The following USP47 variants were observed in gnomAD, a reference collection of about 807,000 sequenced individuals.
USP47 encodes ubiquitin carboxyl-terminal hydrolase 47.
USP47 carries 35 observed loss-of-function variants against 165.1 expected under a neutral mutation model. That is an observed-to-expected ratio of 0.21 (90% CI 0.16 to 0.28). USP47 has a LOEUF of 0.28. Ranked by LOEUF, USP47 falls within the 10% of genes least tolerant of loss-of-function variation. USP47 has a pLI of 1.00. For missense variants in USP47, 1,277 were observed against 1,607.4 expected, an observed-to-expected ratio of 0.79 and a Z score of 3.52; for synonymous variants, 531 against 544.5, an observed-to-expected ratio of 0.98 and a Z score of 0.35.
chr11:11,900,161 T>TC (rs1250588361), intron 5 of USP47, among the ~76,000 whole-genome samples: 1 of 141,398 alleles, frequency 7.1e-6, no homozygotes, highest in East Asian at 2.0e-4. Flanking sequence ...TCACTTTTTT[T>TC]TTTTTTTTTT....
At chr11:11,953,948 G>A (rs1056463593) in intron 25 of USP47, among the ~76,000 whole-genome samples, 9 of 151,996 alleles carry the variant, frequency 5.9e-5, no homozygotes, top group African/African-American at 2.2e-4. Flanking sequence ...CTGGGAATTC[G>A]ATCTGTAGAA....
At chr11:11,903,765 A>T (rs993973635) in intron 7 of USP47, among the ~76,000 whole-genome samples, 6 of 152,198 alleles carry the variant, frequency 3.9e-5, no homozygotes, top group Non-Finnish European at 7.4e-5. Flanking sequence ...TATGTATTTG[A>T]CATTTAGGAT....
At chr11:11,843,347 G>A (rs979576812) in intron 1 of USP47, among the ~76,000 whole-genome samples, 1 of 152,192 alleles carries the variant, frequency 6.6e-6, no homozygotes, top group African/African-American at 2.4e-5. Flanking sequence ...TGTTTTGCAA[G>A]GACGATTTTT....
At chr11:11,935,125 A>C (rs1296057040) in intron 16 of USP47, among the ~76,000 whole-genome samples, 1 of 152,116 alleles carries the variant, frequency 6.6e-6, no homozygotes, top group East Asian at 1.9e-4. Flanking sequence ...GTCAAGTTTG[A>C]GAATCACTTA....
chr11:11,874,996 G>A (rs1029472521), intron 1 of USP47, among the ~76,000 whole-genome samples: 14 of 151,236 alleles, frequency 9.3e-5, no homozygotes, highest in African/African-American at 3.4e-4. Context: ...TTAGCTTGTG[G>A]CAGCTCCTGT....
chr11:11,961,124 C>T lies in USP47; in HGVS notation c.*4949C>T, dbSNP rs1847434350. 6.6e-6 allele frequency among the ~76,000 whole-genome samples: 1 copy of T among 152,234 alleles called. No individual in the cohort carries two copies. Among genetic ancestry groups the T allele is most frequent in the Admixed American group, 6.5e-5 (1 of 15,284 alleles). ...TGGAGAACAGGATTGGTTTCCTCCT[C>T]AATGTCAAGGACTCAAAGACTCTTT... is the stretch of plus-strand genomic sequence containing the variant. On this transcript the variant is annotated 3_prime_UTR_variant, in exon 28 of 28. Transcript: ENST00000527733.
At chr11:11,923,258 A>G (rs1219338333) in intron 11 of USP47, among the ~76,000 whole-genome samples, 3 of 151,712 alleles carry the variant, frequency 2.0e-5, no homozygotes, top group African/African-American at 7.2e-5. Context: ...GTGTCTATAA[A>G]TTTTGTCTGA....
At chr11:11,867,275 G>A (rs185096707) in intron 1 of USP47, among the ~76,000 whole-genome samples, 7 of 152,026 alleles carry the variant, frequency 4.6e-5, no homozygotes, top group Non-Finnish European at 8.8e-5. Flanking sequence ...CTGTGGATTC[G>A]TGTCTTTCAT....
intron 3 of USP47, among the ~76,000 whole-genome samples, chr11:11,887,303 G>A (rs117728121): frequency 0.016 from 2,474 of 152,204 alleles, 29 homozygotes; most frequent in Non-Finnish European, 0.022. Flanking sequence ...AAAGAGTCAA[G>A]ACTCATCAGT....
intron 11 of USP47, among the ~76,000 whole-genome samples, chr11:11,925,480 C>G (rs1166288583): frequency 6.6e-6 from 1 of 152,044 alleles, no homozygotes; most frequent in Non-Finnish European, 1.5e-5. Context: ...ATTTTATTCT[C>G]TTTGACACTA....
intron 1 of USP47, among the ~76,000 whole-genome samples, chr11:11,846,914 C>T (rs1848458613): frequency 6.6e-6 from 1 of 152,046 alleles, no homozygotes; most frequent in Admixed American, 6.5e-5. Context: ...GATGTTGACT[C>T]TCTCTTACCA....
intron 1 of USP47, among the ~76,000 whole-genome samples, chr11:11,862,024 CTTTT>C (rs35753812): frequency 1.4e-5 from 2 of 140,224 alleles, no homozygotes; most frequent in African/African-American, 2.6e-5. Context: ...GGTACAAAGT[CTTTT>C]TTTTTTTTTT....
intron 1 of USP47, among the ~76,000 whole-genome samples, chr11:11,877,767 TTCTCTC>T (rs796503437): frequency 1.5e-5 from 2 of 135,316 alleles, no homozygotes; most frequent in African/African-American, 2.8e-5. Flanking sequence ...TGCATAGCCT[TTCTCTC>T]TCTCTCTCTC....
intron 1 of USP47, among the ~76,000 whole-genome samples, chr11:11,845,194 G>C (rs886747305): frequency 3.9e-5 from 6 of 152,206 alleles, no homozygotes; most frequent in African/African-American, 1.4e-4. Context: ...ACTTAGCTTG[G>C]TATTCAAGGC....
chr11:11,871,381 T>C (rs1850033654), intron 1 of USP47, among the ~76,000 whole-genome samples: 1 of 151,492 alleles, frequency 6.6e-6, no homozygotes, highest in African/African-American at 2.4e-5. Context: ...TGCATGCCTG[T>C]AGTCCCAGCT....
intron 8 of USP47, among the ~76,000 whole-genome samples, chr11:11,909,911 C>G (rs1052928892): frequency 6.6e-6 from 1 of 152,136 alleles, no homozygotes. Context: ...AAGTCTTACC[C>G]TGACATAACA....
At chr11:11,913,305 G>C (rs1227189828) in intron 8 of USP47, among the ~76,000 whole-genome samples, 1 of 145,118 alleles carries the variant, frequency 6.9e-6, no homozygotes, top group Admixed American at 6.9e-5. Context: ...CGTGAGTTTA[G>C]CAAGGTAGCA....
intron 18 of USP47, among the ~76,000 whole-genome samples, chr11:11,939,375 G>A (rs955452433): frequency 3.9e-5 from 6 of 151,912 alleles, no homozygotes; most frequent in African/African-American, 1.4e-4. Flanking sequence ...TACCTGTTTA[G>A]CAGAGTTGTA....
At position 11,957,742 on chromosome 11, in the gene USP47, TATAAG is replaced by T. The variant is rs2134937675; in HGVS notation, c.*1569_*1573del. ...GATCCGATTTTTACCCTTTTTTTCT[TATAAG>T]AAAGATAAAATTAGAAAATACTGTT... On this transcript the variant is annotated 3_prime_UTR_variant, in exon 28 of 28. Transcript: ENST00000527733. 1 of 152,336 alleles carries T rather than the reference TATAAG, an allele frequency of 6.6e-6. No individual in the cohort carries two copies. The highest frequency in any genetic ancestry group is 2.4e-5 in the African/African-American group (1 of 41,548). The allele number at this position is 152,336 out of a possible 1,614,324, so 9.4% of individuals were successfully genotyped here. A position where few individuals can be genotyped will look rare whatever the true frequency, so the allele number is the denominator to read the frequency against.
Sources: gnomAD v4.1 joint callset for allele counts (sites outside exome capture counted in the v4.1 genomes callset) on GRCh38, gnomAD v4.1.1 for gene constraint, MANE v1.5 for transcripts, NCBI Gene and HGNC (gene_info 2026-07-23, HGNC 2026-07-21) for gene names.